VWF: variants seen among roughly 807,000 people sequenced by gnomAD.
VWF encodes von Willebrand factor.
In VWF, 176 loss-of-function variants were observed where a neutral mutation model predicts 308.6. That is an observed-to-expected ratio of 0.57 (90% CI 0.50 to 0.65). The LOEUF is 0.65. VWF is among the 30% of genes least tolerant of loss of function. VWF has a pLI of 0.00. For missense variants in VWF, 3,146 were observed against 3,648.2 expected, an observed-to-expected ratio of 0.86 and a Z score of 3.55; for synonymous variants, 1,385 against 1,443.4, an observed-to-expected ratio of 0.96 and a Z score of 0.92.
At chr12:6,056,606 G>T (rs1424204762) in intron 15 of VWF, among the ~76,000 whole-genome samples, 1 of 152,130 alleles carries the variant, frequency 6.6e-6, no homozygotes, top group Admixed American at 6.5e-5. Context: ...CCACGTTCTA[G>T]GCCTCCAGGT....
intron 19 of VWF, among the ~76,000 whole-genome samples, chr12:6,035,156 C>T (rs1944321654): frequency 6.6e-6 from 1 of 152,176 alleles, no homozygotes; most frequent in South Asian, 2.1e-4. Context: ...CAGCCTCACC[C>T]TGAAAGCCAC....
intron 6 of VWF, among the ~76,000 whole-genome samples, chr12:6,090,588 G>A (rs80122922): frequency 0.12 from 18,127 of 150,894 alleles, 1,622 homozygotes; most frequent in African/African-American, 0.25. Context: ...AATATGGGGA[G>A]CCAGCTAACA....
intron 43 of VWF, among the ~76,000 whole-genome samples, chr12:5,973,284 C>G (rs1943497517): frequency 6.6e-6 from 1 of 152,186 alleles, no homozygotes; most frequent in African/African-American, 2.4e-5. Context: ...CATCCCAGGC[C>G]CTTCTCCTGG....
At chr12:6,108,334 T>TACACACACACACACACAC (rs34140032) in intron 5 of VWF, among the ~76,000 whole-genome samples, 24 of 124,190 alleles carry the variant, frequency 1.9e-4, no homozygotes, top group Non-Finnish European at 3.4e-4. Flanking sequence ...AAGAAATATA[T>TACACACACACACACACAC]ACACACACAC....
intron 34 of VWF, among the ~76,000 whole-genome samples, chr12:6,004,988 C>A (rs1943910760): frequency 6.6e-6 from 1 of 152,132 alleles, no homozygotes; most frequent in South Asian, 2.1e-4. Flanking sequence ...AATGCCAGTT[C>A]TCCCAAAGTT....
chr12:5,951,893 C>G lies in VWF; in HGVS notation c.8116-10G>C. ...TTTTCATAATTTTACCCTAAGAAAACAGCAAAATTTCAGGTTAGGCACAAA... is the reference window on the plus strand; with the variant it reads ...TTTTCATAATTTTACCCTAAGAAAAGAGCAAAATTTCAGGTTAGGCACAAA... On this transcript the variant is annotated splice_polypyrimidine_tract_variant and intron_variant, in intron 49 of 51. Transcript: ENST00000261405. 1 of 1,614,142 alleles carries G rather than the reference C, an allele frequency of 6.2e-7. No individual in the cohort carries two copies. Among genetic ancestry groups the G allele is most frequent in the Non-Finnish European group, 8.5e-7 (1 of 1,180,014 alleles).
intron 24 of VWF, 90 bp downstream of exon 24, chr12:6,025,490 A>C: frequency 6.1e-6 from 6 of 981,958 alleles, no homozygotes; most frequent in Non-Finnish European, 9.6e-6. Context: ...ACACGAGGGT[A>C]GTGTCCACGT....
intron 5 of VWF, among the ~76,000 whole-genome samples, chr12:6,100,960 C>A (rs1945155688): frequency 6.6e-6 from 1 of 151,594 alleles, no homozygotes. Context: ...AATAAAATTT[C>A]TATATAAAGG....
At chr12:6,057,806 C>A in intron 14 of VWF, 43 bp downstream of exon 14, 1 of 1,567,990 alleles carries the variant, frequency 6.4e-7, no homozygotes. Context: ...GTGGAGACCT[C>A]GAGATTCTGC....
chr12:6,069,679 G>A (rs2136467671), intron 10 of VWF, among the ~76,000 whole-genome samples: 1 of 152,318 alleles, frequency 6.6e-6, no homozygotes, highest in Middle Eastern at 3.4e-3. Context: ...CCAGGGCTTT[G>A]AGAATGCAGA....
intron 6 of VWF, among the ~76,000 whole-genome samples, chr12:6,089,695 G>A (rs981623686): frequency 1.3e-5 from 2 of 152,104 alleles, no homozygotes; most frequent in Admixed American, 6.5e-5. Context: ...CGAGGGTAGG[G>A]AACATTTGTC....
At chr12:5,990,557 A>G (rs1943727145) in intron 38 of VWF, among the ~76,000 whole-genome samples, 1 of 152,196 alleles carries the variant, frequency 6.6e-6, no homozygotes, top group Non-Finnish European at 1.5e-5. Flanking sequence ...ACTTAGCAAG[A>G]ATGGTCCTCC....
rs1237062592 is a variant in VWF, at chr12:5,993,876, G to A, written c.6584C>T (p.Thr2195Ile). Residue 2195 changes from threonine (T) to isoleucine (I), a missense_variant, in exon 37 of 52, where the codon ACA becomes ATA. By Grantham distance (89) the Thr-to-Ile change is moderately conservative. Around this residue, in one of 3 missense-constraint regions of VWF, gnomAD observed 989 missense variants for 1,117.4 expected, o/e 0.89. Coordinates refer to ENST00000261405, the MANE Select transcript of VWF (RefSeq NM_000552.5). Reference protein sequence around the residue: ...RTNGVCVDWRTPDFCAMSCPP... With the variant: ...RTNGVCVDWRIPDFCAMSCPP... ...TGGAGACTCACCACAGAAATCAGGTGTCCTCCAGTCAACGCAGACCCCGTT... is the reference window on the plus strand; with the variant it reads ...TGGAGACTCACCACAGAAATCAGGTATCCTCCAGTCAACGCAGACCCCGTT... 3.2e-5 allele frequency: 52 copies of A among 1,613,248 alleles called. No homozygotes were observed. Among genetic ancestry groups the A allele is most frequent in the Non-Finnish European group, 4.3e-5 (51 of 1,179,902 alleles).
Position 6,057,846 on chromosome 12 carries a change from T to C in VWF, c.1729+3A>G. On this transcript the variant is annotated splice_donor_region_variant and intron_variant, in intron 14 of 51. Coordinates refer to ENST00000261405, the MANE Select transcript of VWF (RefSeq NM_000552.5). ...TCCCTGCCTTGCCCCCGGGTTCACA[T>C]ACTCATGCGCGGGTTGAGGGCGCAG... 2 of 1,602,802 alleles carry C rather than the reference T, an allele frequency of 1.2e-6. No individual in the cohort carries two copies. Among genetic ancestry groups the C allele is most frequent in the Non-Finnish European group, 1.7e-6 (2 of 1,173,952 alleles).
At position 5,976,111 on chromosome 12, in the gene VWF, C is replaced by T. The variant is rs267607363; in HGVS notation, c.7437G>A (p.Ser2479=). The T allele has an allele frequency of 7.4e-6, 12 of 1,613,638 alleles. No individual in the cohort carries two copies. The highest frequency in any genetic ancestry group is 4.5e-5 in the East Asian group (2 of 44,868). ...SQKPCEDSCR[S]GFTYVLHEGE... is the part of the protein sequence containing the mutation. The stretch of plus-strand genomic sequence containing the variant: ...CATGCCCAGCCCCTGCCCCACTCAC[C>T]GACCGACAGCTGTCCTCACAGGGCT... The change falls in exon 43 of 52, where the codon TCG becomes TCA. Residue 2479 remains serine (S), a splice_region_variant and synonymous_variant. Coordinates refer to ENST00000261405, the MANE Select transcript of VWF (RefSeq NM_000552.5).
chr12:6,011,130 C>T (rs747498186), intron 34 of VWF, among the ~76,000 whole-genome samples: 2 of 152,198 alleles, frequency 1.3e-5, no homozygotes, highest in Admixed American at 6.5e-5. Flanking sequence ...AAGGCTAACC[C>T]AGCCCATGGA....
intron 43 of VWF, 21 bp downstream of exon 43, chr12:5,976,090 C>T (rs755287582): frequency 1.2e-6 from 2 of 1,613,326 alleles, no homozygotes; most frequent in Non-Finnish European, 8.5e-7. Flanking sequence ...TGCAGGCATG[C>T]CCAGCCCCTG....
chr12:6,040,980 G>C (rs958556529), intron 18 of VWF, among the ~76,000 whole-genome samples: 3 of 152,218 alleles, frequency 2.0e-5, no homozygotes, highest in African/African-American at 7.2e-5. Context: ...CATTCCCTGG[G>C]CCAGGGCCAG....
intron 13 of VWF, 124 bp downstream of exon 13, chr12:6,062,830 G>C (rs1042501951): frequency 1.5e-5 from 12 of 777,620 alleles, no homozygotes; most frequent in Middle Eastern, 2.3e-4. Flanking sequence ...TCTCGCTCTG[G>C]GGGTGTAGGC....
Sources: gnomAD v4.1 joint callset for allele counts (sites outside exome capture counted in the v4.1 genomes callset) on GRCh38, gnomAD v4.1.1 for gene constraint, gnomAD v4.1.1 regional missense constraint, MANE v1.5 for transcripts, NCBI Gene and HGNC (gene_info 2026-07-23, HGNC 2026-07-21) for gene names.